CWC27: variants seen among roughly 807,000 people sequenced by gnomAD.
The protein encoded by CWC27 is CWC27 spliceosome associated cyclophilin.
Under a neutral mutation model 63.6 loss-of-function variants are expected in CWC27, and 47 were observed. The observed-to-expected ratio is 0.74, with a 90% confidence interval of 0.58 to 0.94. CWC27 has a LOEUF of 0.94. Among genes scored for constraint, CWC27 ranks in the 40% least tolerant of loss-of-function variants. The pLI is 0.00. For missense variants in CWC27, 495 were observed against 554.3 expected (o/e 0.89, Z 1.07); for synonymous variants, 175 against 179.8 (o/e 0.97, Z 0.22).
At chr5:64,830,554 A>G (rs542054829) in intron 10 of CWC27, among the ~76,000 whole-genome samples, 1 of 152,300 alleles carries the variant, frequency 6.6e-6, no homozygotes, top group East Asian at 1.9e-4. Flanking sequence ...AGCAATGGCA[A>G]CAAAAGCCAA....
At chr5:64,956,899 G>A (rs1055810624) in intron 11 of CWC27, among the ~76,000 whole-genome samples, 9 of 152,174 alleles carry the variant, frequency 5.9e-5, no homozygotes, top group African/African-American at 2.2e-4. Flanking sequence ...ACAGAATTAA[G>A]TAATAAAGCA....
intron 9 of CWC27, among the ~76,000 whole-genome samples, chr5:64,803,942 A>G (rs725127): frequency 0.4 from 60,832 of 151,750 alleles, 13,519 homozygotes; most frequent in African/African-American, 0.59. Context: ...GAATAGCCCG[A>G]GTGACACAGA....
intron 11 of CWC27, among the ~76,000 whole-genome samples, chr5:64,904,691 C>A (rs1747585532): frequency 1.3e-5 from 2 of 152,204 alleles, no homozygotes; most frequent in Admixed American, 6.5e-5. Flanking sequence ...TCTTTTGAAT[C>A]CCTTCAAAGA....
intron 10 of CWC27, among the ~76,000 whole-genome samples, chr5:64,884,770 G>A (rs1395173957): frequency 1.3e-5 from 2 of 152,132 alleles, no homozygotes; most frequent in East Asian, 1.9e-4. Context: ...CCCTAAAACT[G>A]GCATGGAGAA....
chr5:64,825,249 A>T (rs1021031235), intron 10 of CWC27, among the ~76,000 whole-genome samples: 1 of 152,166 alleles, frequency 6.6e-6, no homozygotes, highest in African/African-American at 2.4e-5. Context: ...TTTGGAAACC[A>T]TGCTTATAGT....
At chr5:64,828,250 T>C (rs754697915) in intron 10 of CWC27, among the ~76,000 whole-genome samples, 3 of 152,162 alleles carry the variant, frequency 2.0e-5, no homozygotes, top group Non-Finnish European at 4.4e-5. Flanking sequence ...ATTGTTTTCC[T>C]ATTAAGTAGT....
intron 10 of CWC27, among the ~76,000 whole-genome samples, chr5:64,806,854 A>T (rs1056077001): frequency 6.6e-6 from 1 of 152,292 alleles, no homozygotes; most frequent in African/African-American, 2.4e-5. Context: ...AATTTTAATA[A>T]ATTTCCAAAT....
At chr5:64,972,860 TGA>T (rs1749151864) in intron 12 of CWC27, among the ~76,000 whole-genome samples, 1 of 152,170 alleles carries the variant, frequency 6.6e-6, no homozygotes, top group African/African-American at 2.4e-5. Flanking sequence ...CTGCTCTCTC[TGA>T]TCTATCAGGG....
At chr5:64,773,053 A>G (rs1342452982) in intron 1 of CWC27, among the ~76,000 whole-genome samples, 3 of 152,152 alleles carry the variant, frequency 2.0e-5, no homozygotes, top group African/African-American at 7.2e-5. Context: ...CAAATTTCTT[A>G]TTGAAGATAT....
intron 10 of CWC27, among the ~76,000 whole-genome samples, chr5:64,852,806 T>A (rs1035340047): frequency 6.6e-6 from 1 of 152,042 alleles, no homozygotes; most frequent in Non-Finnish European, 1.5e-5. Context: ...TTAAGGGCTT[T>A]TCATATTTTC....
chr5:64,821,848 G>A (rs563974752), intron 10 of CWC27, among the ~76,000 whole-genome samples: 1 of 152,310 alleles, frequency 6.6e-6, no homozygotes, highest in African/African-American at 2.4e-5. Context: ...CCTCCGTTGA[G>A]ATGAGGGTTA....
chr5:64,893,752 C>T (rs1467217822), intron 11 of CWC27, among the ~76,000 whole-genome samples: 6 of 152,104 alleles, frequency 3.9e-5, no homozygotes, highest in South Asian at 4.1e-4. Flanking sequence ...ACTATGGCCA[C>T]GCCAGAATGT....
chr5:64,923,360 C>T (rs923528570), intron 11 of CWC27, among the ~76,000 whole-genome samples: 2 of 151,878 alleles, frequency 1.3e-5, no homozygotes, highest in African/African-American at 2.4e-5. Context: ...GAAAGACAGT[C>T]GGGCTCCCTC....
chr5:64,787,706 A>G (rs1467858422), intron 6 of CWC27, among the ~76,000 whole-genome samples: 2 of 152,112 alleles, frequency 1.3e-5, no homozygotes, highest in African/African-American at 4.8e-5. Flanking sequence ...GTCTGTATAT[A>G]CTGCAGAGTT....
At chr5:64,981,874 G>T (rs546015157) in intron 13 of CWC27, among the ~76,000 whole-genome samples, 1 of 152,272 alleles carries the variant, frequency 6.6e-6, no homozygotes, top group African/African-American at 2.4e-5. Flanking sequence ...CTTGTTCTTG[G>T]TTCTGAAAAA....
rs758253261 is a variant in CWC27, at chr5:64,807,611, A to G, written c.938+3225A>G. 2.2e-5 allele frequency: 33 copies of G among 1,533,954 alleles called. No homozygotes were observed. The Admixed American group carries it at 3.7e-4, about 17-fold the overall frequency. On this transcript the variant is annotated intron_variant, in intron 10 of 13. Coordinates refer to ENST00000381070, the MANE Select transcript of CWC27 (RefSeq NM_005869.4). ...ACTTTCTTTCCAGCCCACCTTCTCT[A>G]TGCCTGTATCTTGACTACTGGATAC...
At chr5:65,001,989 A>G (rs1749740576) in intron 13 of CWC27, among the ~76,000 whole-genome samples, 1 of 151,858 alleles carries the variant, frequency 6.6e-6, no homozygotes, top group African/African-American at 2.4e-5. Flanking sequence ...ATTCAATTCC[A>G]TTGCTTTTTA....
intron 11 of CWC27, among the ~76,000 whole-genome samples, chr5:64,928,964 C>CTT (rs373815261): frequency 0.011 from 1,570 of 141,780 alleles, 25 homozygotes; most frequent in African/African-American, 0.03. Context: ...TAGGCTTTGT[C>CTT]TTTTTTTTTT....
At chr5:64,992,814 T>C (rs1749562361) in intron 13 of CWC27, among the ~76,000 whole-genome samples, 1 of 152,018 alleles carries the variant, frequency 6.6e-6, no homozygotes, top group Non-Finnish European at 1.5e-5. Context: ...ATTACAGGCG[T>C]GAGCCACTGC....
Sources: allele counts gnomAD v4.1 joint callset (sites outside exome capture counted in the v4.1 genomes callset), GRCh38; gene constraint gnomAD v4.1.1; transcripts MANE v1.5; gene names NCBI Gene and HGNC (gene_info 2026-07-23, HGNC 2026-07-21).